ARHGAP32: variants seen among roughly 807,000 people sequenced by gnomAD.
The protein encoded by ARHGAP32 is Rho GTPase activating protein 32, also known as rho GTPase-activating protein 32.
ARHGAP32 carries 51 observed loss-of-function variants against 186.5 expected under a neutral mutation model. The observed-to-expected ratio is 0.27, with a 90% CI of 0.22 to 0.35. The LOEUF (loss-of-function observed/expected upper bound fraction) is 0.35. Ranked by LOEUF, ARHGAP32 falls within the 10% of genes least tolerant of loss-of-function variation. The pLI, the probability that ARHGAP32 is intolerant of heterozygous loss-of-function variation, is 1.00. For synonymous variants in ARHGAP32, 950 were observed against 964.3 expected (o/e 0.99, Z 0.27); for missense variants, 2,186 against 2,623.5 (o/e 0.83, Z 3.64).
At chr11:129,164,968 T>C (rs1943603626) in intron 1 of ARHGAP32, among the ~76,000 whole-genome samples, 1 of 152,104 alleles carries the variant, frequency 6.6e-6, no homozygotes, top group African/African-American at 2.4e-5. Flanking sequence ...GCTACAAGCT[T>C]TGAGATAAGG....
At chr11:129,260,120 C>A (rs1285502812) in intron 1 of ARHGAP32, among the ~76,000 whole-genome samples, 1 of 152,150 alleles carries the variant, frequency 6.6e-6, no homozygotes, top group Non-Finnish European at 1.5e-5. Context: ...ACTGATTGAA[C>A]TTTTACATCT....
In ARHGAP32 at chr11:129,192,159, T is replaced by G. The variant is rs1944284245; in HGVS notation, c.40A>C (p.Ser14Arg). Residue 14 changes from serine (S) to arginine (R), a missense_variant, in exon 1 of 23, where the codon AGT becomes CGT. Around this residue, in one of 5 missense-constraint regions of ARHGAP32, gnomAD observed 108 missense variants for 116.8 expected, o/e 0.92. Coordinates refer to ENST00000682385, the MANE Select transcript of ARHGAP32 (RefSeq NM_001378024.1). ...ESESSTLGDD[S>R]VFWLESEVII... ...ACTTCAGACTCCAACCAGAAGACAC[T>G]GTCATCCCCTAAAGTGCTACTCTCA... The G allele has an allele frequency of 6.2e-7, 1 of 1,613,908 alleles. No homozygotes were observed. The highest frequency in any genetic ancestry group is 8.5e-7 in the Non-Finnish European group (1 of 1,179,834).
At chr11:129,025,387 AATAAATTTAT>A (rs1938790978) in intron 11 of ARHGAP32, among the ~76,000 whole-genome samples, 1 of 152,236 alleles carries the variant, frequency 6.6e-6, no homozygotes, top group South Asian at 2.1e-4. Context: ...AATAAAAAAC[AATAAATTTAT>A]GTGATTTTAA....
At chr11:128,996,478 T>A (rs1245267660) in intron 12 of ARHGAP32, among the ~76,000 whole-genome samples, 2 of 152,204 alleles carry the variant, frequency 1.3e-5, no homozygotes, top group Non-Finnish European at 2.9e-5. Context: ...TTTGTTTAAA[T>A]CTGAGAAAGC....
At chr11:129,105,674 C>T (rs917395554) in intron 5 of ARHGAP32, among the ~76,000 whole-genome samples, 2 of 151,996 alleles carry the variant, frequency 1.3e-5, no homozygotes, top group Admixed American at 1.3e-4. Flanking sequence ...TAAGGATAGA[C>T]GAAAACCCAG....
At chr11:129,247,255 G>A (rs1335204023) in intron 1 of ARHGAP32, among the ~76,000 whole-genome samples, 3 of 152,146 alleles carry the variant, frequency 2.0e-5, no homozygotes, top group Non-Finnish European at 4.4e-5. Context: ...AAGTATAAAT[G>A]ATGTGCAGAC....
At chr11:129,002,897 C>T (rs1326973108) in intron 11 of ARHGAP32, among the ~76,000 whole-genome samples, 1 of 150,108 alleles carries the variant, frequency 6.7e-6, no homozygotes, top group Non-Finnish European at 1.5e-5. Context: ...CAAGCTCCGC[C>T]TCCCGGGTTC....
intron 1 of ARHGAP32, among the ~76,000 whole-genome samples, chr11:129,202,345 G>C (rs561332805): frequency 6.6e-6 from 1 of 152,130 alleles, no homozygotes; most frequent in South Asian, 2.1e-4. Context: ...TTTCTACCCT[G>C]TATACCACAG....
chr11:129,008,984 G>A (rs1424162495), intron 11 of ARHGAP32, among the ~76,000 whole-genome samples: 1 of 152,126 alleles, frequency 6.6e-6, no homozygotes, highest in Non-Finnish European at 1.5e-5. Flanking sequence ...AACCATTTAT[G>A]TTCATTTTTA....
chr11:129,143,090 A>ATATATAG (rs1258769121), intron 2 of ARHGAP32, among the ~76,000 whole-genome samples: 4 of 47,590 alleles, frequency 8.4e-5, no homozygotes, highest in African/African-American at 3.3e-4. Context: ...TATATATATA[A>ATATATAG]TCAACTGAAT....
At chr11:128,977,491 C>G (rs916783910) in intron 19 of ARHGAP32, among the ~76,000 whole-genome samples, 1 of 152,114 alleles carries the variant, frequency 6.6e-6, no homozygotes. Context: ...TTCTCTCCAG[C>G]ATTCAGCCCT....
chr11:129,035,585 T>C (rs1348818071), intron 11 of ARHGAP32, among the ~76,000 whole-genome samples: 2 of 152,222 alleles, frequency 1.3e-5, no homozygotes, highest in Non-Finnish European at 2.9e-5. Flanking sequence ...CAGTGGCTCA[T>C]GCCTGTAATC....
At chr11:129,161,846 C>T (rs981016782) in intron 2 of ARHGAP32, among the ~76,000 whole-genome samples, 2 of 152,274 alleles carry the variant, frequency 1.3e-5, no homozygotes, top group Non-Finnish European at 2.9e-5. Context: ...CAAATGCACA[C>T]GTATGCTTAC....
At chr11:129,086,024 A>C (rs548098065) in intron 6 of ARHGAP32, among the ~76,000 whole-genome samples, 143 of 151,548 alleles carry the variant, frequency 9.4e-4, no homozygotes, top group African/African-American at 3.4e-3. Flanking sequence ...AAACAAAAAA[A>C]AAAAACAAAA....
In ARHGAP32 at chr11:129,076,188, T is replaced by C. The variant is rs1371098018; in HGVS notation, c.532-9320A>G. Among the ~76,000 whole-genome samples, 6 of 152,218 alleles carry C rather than the reference T, an allele frequency of 3.9e-5. No individual in the cohort carries two copies. In the East Asian group the frequency reaches 1.2e-3, roughly 29 times the overall value. On this transcript the variant is annotated intron_variant, in intron 6 of 22. Transcript: ENST00000682385. ...TAACAATGAGACAAACCCTCAGTTC[T>C]GGGAACTACCCACCCTTTTTCCCTA... is the stretch of plus-strand genomic sequence containing the variant.
At chr11:129,270,121 CT>C (rs370881568) in intron 1 of ARHGAP32, among the ~76,000 whole-genome samples, 352 of 151,368 alleles carry the variant, frequency 2.3e-3, no homozygotes, top group African/African-American at 8.4e-3. Flanking sequence ...CTAGGATGTC[CT>C]TCAGCAGGTG....
At chr11:129,207,023 T>A (rs1378542733) in intron 1 of ARHGAP32, among the ~76,000 whole-genome samples, 1 of 152,114 alleles carries the variant, frequency 6.6e-6, no homozygotes, top group Non-Finnish European at 1.5e-5. Flanking sequence ...TCTGTTCCTG[T>A]GCTAGTTTGC....
chr11:129,126,564 CAAAG>C (rs1942666927), intron 2 of ARHGAP32, among the ~76,000 whole-genome samples: 1 of 151,916 alleles, frequency 6.6e-6, no homozygotes, highest in Admixed American at 6.6e-5. Context: ...AAAACACTGA[CAAAG>C]AAAGATACCT....
chr11:129,013,489 T>C (rs927432218), intron 11 of ARHGAP32, among the ~76,000 whole-genome samples: 1 of 152,206 alleles, frequency 6.6e-6, no homozygotes, highest in East Asian at 1.9e-4. Flanking sequence ...GATTAAACTA[T>C]GTTCTGCATA....
Sources: allele counts gnomAD v4.1 joint callset (sites outside exome capture counted in the v4.1 genomes callset), GRCh38; gene constraint gnomAD v4.1.1; regional missense constraint gnomAD v4.1.1; transcripts MANE v1.5; gene names NCBI Gene and HGNC (gene_info 2026-07-23, HGNC 2026-07-21).